Variants in ZBTB20 observed in about 807,000 individuals in gnomAD.
ZBTB20 encodes zinc finger and BTB domain containing 20, also known as zinc finger and BTB domain-containing protein 20.
Under a neutral mutation model 56.9 loss-of-function variants are expected in ZBTB20, and 9 were observed. The ratio of observed to expected loss-of-function variants is 0.16; its 90% CI spans 0.10 to 0.28. The LOEUF is 0.28. ZBTB20 is among the 10% of genes least tolerant of loss of function. ZBTB20 has a pLI of 1.00. For missense variants in ZBTB20, 655 were observed against 1,003.0 expected (o/e 0.65, Z 4.69); for synonymous variants, 417 against 420.7 (o/e 0.99, Z 0.11).
At chr3:114,726,139 G>T (rs1211901201) in intron 5 of ZBTB20, among the ~76,000 whole-genome samples, 1 of 152,214 alleles carries the variant, frequency 6.6e-6, no homozygotes, top group African/African-American at 2.4e-5. Context: ...TGGCATGACT[G>T]GTAAGGGTTT....
intron 6 of ZBTB20, among the ~76,000 whole-genome samples, chr3:114,683,331 GGA>G (rs2062100717): frequency 6.6e-6 from 1 of 152,070 alleles, no homozygotes; most frequent in South Asian, 2.1e-4. Context: ...TTTGTGTTGT[GGA>G]GTCTTATTAA....
intron 4 of ZBTB20, among the ~76,000 whole-genome samples, chr3:114,872,378 C>A (rs920355001): frequency 1.3e-5 from 2 of 152,084 alleles, no homozygotes; most frequent in African/African-American, 2.4e-5. Flanking sequence ...ATTATAGTTG[C>A]ACACATTTTG....
intron 4 of ZBTB20, among the ~76,000 whole-genome samples, chr3:114,855,420 TA>T (rs2075203610): frequency 6.6e-6 from 1 of 152,230 alleles, no homozygotes. Flanking sequence ...TCTGTTGAGC[TA>T]GTGTTTTCCT....
intron 4 of ZBTB20, among the ~76,000 whole-genome samples, chr3:114,841,482 A>G (rs1036292291): frequency 6.6e-6 from 1 of 152,212 alleles, no homozygotes; most frequent in African/African-American, 2.4e-5. Flanking sequence ...TAAGGAAGTC[A>G]GAATACTGTT....
intron 7 of ZBTB20, among the ~76,000 whole-genome samples, chr3:114,442,302 G>A (rs1174638447): frequency 6.6e-6 from 1 of 152,148 alleles, no homozygotes; most frequent in African/African-American, 2.4e-5. Flanking sequence ...TAAATGAATA[G>A]AGAGTGAAAA....
At chr3:114,538,736 T>G (rs1480571938) in intron 6 of ZBTB20, among the ~76,000 whole-genome samples, 1 of 152,186 alleles carries the variant, frequency 6.6e-6, no homozygotes, top group Non-Finnish European at 1.5e-5. Flanking sequence ...TTATTCAAAC[T>G]GTTGGAGTTA....
intron 6 of ZBTB20, among the ~76,000 whole-genome samples, chr3:114,606,145 C>T (rs1455735159): frequency 6.6e-6 from 1 of 152,178 alleles, no homozygotes; most frequent in Non-Finnish European, 1.5e-5. Flanking sequence ...AGATGAGCAG[C>T]ACTATTCCAA....
chr3:114,956,385 G>T (rs918935170), intron 3 of ZBTB20, among the ~76,000 whole-genome samples: 1 of 152,176 alleles, frequency 6.6e-6, no homozygotes, highest in Non-Finnish European at 1.5e-5. Context: ...CTGTTCTGCA[G>T]GTCTTCTGAT....
At chr3:115,146,210 T>C (rs1576847205) in intron 1 of ZBTB20, among the ~76,000 whole-genome samples, 1 of 152,212 alleles carries the variant, frequency 6.6e-6, no homozygotes, top group African/African-American at 2.4e-5. Context: ...ATCAGCGGAT[T>C]ACCGCGCTAG....
intron 6 of ZBTB20, among the ~76,000 whole-genome samples, chr3:114,575,649 C>T (rs906180214): frequency 6.6e-6 from 1 of 150,990 alleles, no homozygotes; most frequent in Non-Finnish European, 1.5e-5. Flanking sequence ...GTAAACAACA[C>T]GAACTATTGT....
At chr3:114,797,533 A>G (rs780808197) in intron 5 of ZBTB20, among the ~76,000 whole-genome samples, 3 of 151,972 alleles carry the variant, frequency 2.0e-5, no homozygotes, top group Non-Finnish European at 4.4e-5. Flanking sequence ...TGTTTTGTCT[A>G]TAAGAAAGAT....
chr3:114,441,526 C>G (rs2090924192), intron 7 of ZBTB20, among the ~76,000 whole-genome samples: 1 of 152,072 alleles, frequency 6.6e-6, no homozygotes, highest in African/African-American at 2.4e-5. Context: ...TGTCCCTGTA[C>G]CCGTCAGAAC....
chr3:114,998,239 A>G (rs1156434338), intron 2 of ZBTB20, among the ~76,000 whole-genome samples: 2 of 151,700 alleles, frequency 1.3e-5, no homozygotes, highest in African/African-American at 4.8e-5. Flanking sequence ...TAAACAACAA[A>G]TTTTATTTGG....
At chr3:114,963,283 G>A (rs2077523308) in intron 3 of ZBTB20, among the ~76,000 whole-genome samples, 1 of 152,084 alleles carries the variant, frequency 6.6e-6, no homozygotes, top group African/African-American at 2.4e-5. Context: ...TATGCTTAAT[G>A]AGAGTTGGTG....
At chr3:114,538,147 G>T (rs1224972889) in intron 6 of ZBTB20, among the ~76,000 whole-genome samples, 1 of 151,892 alleles carries the variant, frequency 6.6e-6, no homozygotes, top group Admixed American at 6.6e-5. Flanking sequence ...ATAAAAAAAA[G>T]ATCTAATGGC....
chr3:114,428,176 G>A (rs1460612112), intron 7 of ZBTB20, among the ~76,000 whole-genome samples: 4 of 152,118 alleles, frequency 2.6e-5, no homozygotes, highest in South Asian at 2.1e-4. Flanking sequence ...ACAAAGTACT[G>A]TACCATAGTG....
intron 2 of ZBTB20, among the ~76,000 whole-genome samples, chr3:115,070,906 A>G (rs1233117954): frequency 1.3e-5 from 2 of 152,076 alleles, no homozygotes; most frequent in African/African-American, 4.8e-5. Flanking sequence ...GGGAAAACTG[A>G]ATTTAAAGTT....
intron 4 of ZBTB20, among the ~76,000 whole-genome samples, chr3:114,821,419 G>A (rs1243572693): frequency 6.6e-6 from 1 of 152,118 alleles, no homozygotes; most frequent in Non-Finnish European, 1.5e-5. Flanking sequence ...CAAGCTGATA[G>A]ATAAAATCTA....
chr3:114,951,286 G>A (rs1034573470), intron 3 of ZBTB20, among the ~76,000 whole-genome samples: 1 of 151,808 alleles, frequency 6.6e-6, no homozygotes, highest in African/African-American at 2.4e-5. Context: ...TTAAATATGG[G>A]CATAGTCACA....
Sources: allele counts gnomAD v4.1 joint callset (sites outside exome capture counted in the v4.1 genomes callset), GRCh38; gene constraint gnomAD v4.1.1; transcripts MANE v1.5; gene names NCBI Gene and HGNC (gene_info 2026-07-23, HGNC 2026-07-21).